Variants in FRK observed in about 807,000 individuals in gnomAD.
The protein encoded by FRK is fyn related Src family tyrosine kinase.
A neutral mutation model predicts 56.4 loss-of-function variants in FRK; 51 were observed. The ratio of observed to expected loss-of-function variants is 0.90; its 90% confidence interval spans 0.72 to 1.14. The LOEUF is 1.14. Among genes scored for constraint, FRK ranks in the 50% most tolerant of loss-of-function variants. The probability of loss-of-function intolerance (pLI) is 0.00; values close to 1 mark genes in which losing one functional copy is unlikely to be tolerated. For synonymous variants in FRK, 245 were observed against 217.9 expected, an observed-to-expected ratio of 1.12 and a Z score of -1.10; for missense variants, 570 against 601.4, an observed-to-expected ratio of 0.95 and a Z score of 0.55.
At chr6:115,970,182 T>C (rs1235245990) in intron 2 of FRK, among the ~76,000 whole-genome samples, 1 of 151,686 alleles carries the variant, frequency 6.6e-6, no homozygotes, top group African/African-American at 2.4e-5. Flanking sequence ...AAAGCTAAAA[T>C]GAAAAAAGTA....
At chr6:116,082,241 C>G in the FRK span, among the ~76,000 whole-genome samples, 1 of 152,232 alleles carries the variant, frequency 6.6e-6, no homozygotes, top group East Asian at 1.9e-4. Flanking sequence ...TAACAGAGAC[C>G]TGACAGTGTA....
In FRK at chr6:116,002,863, C is replaced by T. The variant is rs142937433; in HGVS notation, c.466+1014G>A. The T allele has an allele frequency of 4.8e-3, 1,662 of 347,562 alleles. 14 individuals carry two copies. The highest frequency in any genetic ancestry group is 0.025 in the Middle Eastern group (59 of 2,384). 21.5% of individuals were successfully genotyped at this position (347,562 alleles called of 1,614,324 possible). On this transcript the variant is annotated intron_variant, in intron 2 of 7. Coordinates refer to ENST00000606080, the MANE Select transcript of FRK (RefSeq NM_002031.3). ...CATCTGCCCTGATATTTGGGACTAC[C>T]AGGTGTGGAGAAGGATAATGTGTAC...
the FRK span, among the ~76,000 whole-genome samples, chr6:116,066,549 A>G: frequency 6.6e-6 from 1 of 152,146 alleles, no homozygotes; most frequent in East Asian, 1.9e-4. Context: ...TTTGTATAAT[A>G]TCAATCAGAC....
intron 5 of FRK, among the ~76,000 whole-genome samples, chr6:115,948,446 T>C (rs1051218881): frequency 3.3e-5 from 5 of 152,146 alleles, no homozygotes; most frequent in Non-Finnish European, 5.9e-5. Flanking sequence ...TGTGAGATAA[T>C]AAACATTTGC....
chr6:116,060,215 C>G lies in FRK; in HGVS notation c.97G>C (p.Gly33Arg), dbSNP rs1322439462. Residue 33 changes from glycine to arginine, a missense_variant, in exon 1 of 8, where the codon GGG becomes CGG. By Grantham distance (125) the Gly-to-Arg change is moderately radical. Transcript: ENST00000606080. ...ADKSTVIENP[G>R]ALCSPQSQRH... ...TGTGACTGGGGAGAGCAAAGGGCCC[C>G]TGGATTTTCAATCACGGTTGACTTG... 2 of 1,614,146 alleles carry G rather than the reference C, an allele frequency of 1.2e-6. No individual in the cohort carries two copies. Among genetic ancestry groups the G allele is most frequent in the Non-Finnish European group, 1.7e-6 (2 of 1,180,014 alleles).
At chr6:116,017,456 A>G (rs371999283) in intron 1 of FRK, among the ~76,000 whole-genome samples, 3 of 152,144 alleles carry the variant, frequency 2.0e-5, no homozygotes, top group East Asian at 3.8e-4. Context: ...TTTTCTCTCC[A>G]TAAGTCCCTT....
intron 4 of FRK, among the ~76,000 whole-genome samples, chr6:115,966,917 A>G (rs1171547572): frequency 2.0e-5 from 3 of 152,178 alleles, no homozygotes; most frequent in Admixed American, 2.0e-4. Context: ...TCTATTTTAC[A>G]AATGACAAAA....
chr6:116,100,333 C>A, the FRK span, among the ~76,000 whole-genome samples: 2 of 152,194 alleles, frequency 1.3e-5, no homozygotes, highest in Admixed American at 6.5e-5. Flanking sequence ...ACTTAGGAAA[C>A]CAAGGAATAT....
chr6:116,000,352 C>T (rs1233461898), intron 2 of FRK, among the ~76,000 whole-genome samples: 8 of 147,952 alleles, frequency 5.4e-5, no homozygotes, highest in East Asian at 2.0e-4. Flanking sequence ...AAGCAATTCT[C>T]GTGCCTCAGC....
At chr6:115,957,960 T>C (rs993209847) in intron 4 of FRK, among the ~76,000 whole-genome samples, 1 of 152,222 alleles carries the variant, frequency 6.6e-6, no homozygotes, top group African/African-American at 2.4e-5. Context: ...ATCATTGATA[T>C]GCATAGTCTT....
At chr6:116,084,926 G>A in the FRK span, among the ~76,000 whole-genome samples, 1 of 152,210 alleles carries the variant, frequency 6.6e-6, no homozygotes, top group African/African-American at 2.4e-5. Flanking sequence ...AGGACACAGT[G>A]AAAAGGAAGT....
At chr6:116,053,448 GA>G (rs1777255114) in intron 1 of FRK, among the ~76,000 whole-genome samples, 1 of 152,144 alleles carries the variant, frequency 6.6e-6, no homozygotes, top group Non-Finnish European at 1.5e-5. Flanking sequence ...TTACTGTATA[GA>G]AGGTTGTGTC....
chr6:116,000,249 T>TAC (rs1775009817), intron 2 of FRK, among the ~76,000 whole-genome samples: 1 of 45,692 alleles, frequency 2.2e-5, no homozygotes, highest in African/African-American at 7.9e-5. Context: ...TTTTTTTTTT[T>TAC]TTTTTTTTTT....
chr6:115,942,519 A>G lies in FRK; in HGVS notation c.1413T>C (p.Asn471=). 1 of 1,613,844 alleles carries G rather than the reference A, an allele frequency of 6.2e-7. No individual in the cohort carries two copies. The highest frequency in any genetic ancestry group is 8.5e-7 in the Non-Finnish European group (1 of 1,179,794). The change falls in exon 8 of 8, where the codon AAT becomes AAC. Residue 471 remains asparagine, a synonymous_variant. Transcript: ENST00000606080. ...QFYNIMLECW[N]AEPKERPTFE... Reference sequence around the variant, plus strand: ...ATGTAGGTCGTTCCTTAGGCTCTGCATTCCAGCACTCCAACATGATGTTGT... The same window carrying G: ...ATGTAGGTCGTTCCTTAGGCTCTGCGTTCCAGCACTCCAACATGATGTTGT...
At chr6:116,037,276 G>A (rs1271493205) in intron 1 of FRK, among the ~76,000 whole-genome samples, 1 of 152,146 alleles carries the variant, frequency 6.6e-6, no homozygotes, top group Non-Finnish European at 1.5e-5. Flanking sequence ...TGGTTCCACT[G>A]CCTGTACAAC....
chr6:116,029,388 T>C (rs543818372), intron 1 of FRK, among the ~76,000 whole-genome samples: 110 of 152,290 alleles, frequency 7.2e-4, no homozygotes, highest in African/African-American at 2.6e-3. Context: ...CAGATAATGA[T>C]GATGCAATGG....
chr6:116,005,763 A>G (rs966438469), intron 1 of FRK, among the ~76,000 whole-genome samples: 1 of 152,226 alleles, frequency 6.6e-6, no homozygotes, highest in African/African-American at 2.4e-5. Flanking sequence ...ACTTGAACAT[A>G]GTAAAAAACT....
chr6:116,097,042 G>C, the FRK span, among the ~76,000 whole-genome samples: 18 of 152,154 alleles, frequency 1.2e-4, no homozygotes, highest in South Asian at 1.9e-3. Flanking sequence ...TTCTAAGTAG[G>C]CTTCTTCTTC....
the FRK span, among the ~76,000 whole-genome samples, chr6:116,081,981 C>T: frequency 6.6e-6 from 1 of 152,104 alleles, no homozygotes. Flanking sequence ...TGGTTAAGTA[C>T]TAAGGGAGAG....
Sources: gnomAD v4.1 joint callset for allele counts (sites outside exome capture counted in the v4.1 genomes callset) on GRCh38, gnomAD v4.1.1 for gene constraint, MANE v1.5 for transcripts, NCBI Gene and HGNC (gene_info 2026-07-23, HGNC 2026-07-21) for gene names.